ITPR1: variants seen among roughly 807,000 people sequenced by gnomAD.
ITPR1 encodes inositol 1,4,5-trisphosphate-gated calcium channel ITPR1.
Under a neutral mutation model 318.4 loss-of-function variants are expected in ITPR1, and 96 were observed. The observed-to-expected ratio is 0.30, with a 90% CI of 0.26 to 0.36. The LOEUF (loss-of-function observed/expected upper bound fraction) is 0.36. Among genes scored for constraint, ITPR1 ranks in the 10% least tolerant of loss-of-function variants. The pLI, the probability that ITPR1 is intolerant of heterozygous loss-of-function variation, is 1.00. For synonymous variants in ITPR1, 1,312 were observed against 1,289.9 expected, an observed-to-expected ratio of 1.02 and a Z score of -0.37; for missense variants, 2,440 against 3,460.2, an observed-to-expected ratio of 0.71 and a Z score of 7.40.
chr3:4,702,646 T>C (rs995994253), intron 35 of ITPR1, among the ~76,000 whole-genome samples, 184 bp from the exon 36 acceptor site: 15 of 152,306 alleles, frequency 9.8e-5, no homozygotes, highest in East Asian at 5.8e-4. Context: ...CTAGGTAACT[T>C]ATGGAATTTA....
chr3:4,580,003 G>A (rs1381883720), intron 4 of ITPR1, among the ~76,000 whole-genome samples: 1 of 152,198 alleles, frequency 6.6e-6, no homozygotes, highest in Non-Finnish European at 1.5e-5. Flanking sequence ...GAAGTCAGGA[G>A]ATCGAGACCA....
chr3:4,548,992 A>C (rs1046409629), intron 4 of ITPR1, among the ~76,000 whole-genome samples: 4 of 152,026 alleles, frequency 2.6e-5, no homozygotes, highest in African/African-American at 9.7e-5. Context: ...ACTTTTCGGG[A>C]GGGGGGGACT....
chr3:4,580,167 G>T (rs192910856), intron 4 of ITPR1, among the ~76,000 whole-genome samples: 141 of 152,144 alleles, frequency 9.3e-4, no homozygotes, highest in African/African-American at 3.1e-3. Context: ...CCGAGATCAT[G>T]CCACTCCACT....
At chr3:4,618,797 T>C (rs2092484312) in intron 4 of ITPR1, among the ~76,000 whole-genome samples, 1 of 152,202 alleles carries the variant, frequency 6.6e-6, no homozygotes, top group African/African-American at 2.4e-5. Context: ...TGTGGGACTT[T>C]CTTTCTCACA....
At chr3:4,669,015 G>A (rs180783494) in intron 18 of ITPR1, among the ~76,000 whole-genome samples, 9 of 152,196 alleles carry the variant, frequency 5.9e-5, no homozygotes, top group African/African-American at 2.2e-4. Context: ...TTTACAATGT[G>A]GGTGTCACAA....
chr3:4,597,905 A>G (rs948976178), intron 4 of ITPR1, among the ~76,000 whole-genome samples: 3 of 152,242 alleles, frequency 2.0e-5, no homozygotes, highest in African/African-American at 7.2e-5. Context: ...TTTTGCAAAC[A>G]TCTGTGGAGA....
intron 4 of ITPR1, among the ~76,000 whole-genome samples, chr3:4,531,531 G>A (rs1360276435): frequency 6.6e-6 from 1 of 152,122 alleles, no homozygotes; most frequent in Non-Finnish European, 1.5e-5. Context: ...CCCCAGTTGT[G>A]CTCAGGATAA....
chr3:4,569,496 C>A (rs2087753519), intron 4 of ITPR1, among the ~76,000 whole-genome samples: 1 of 152,188 alleles, frequency 6.6e-6, no homozygotes, highest in African/African-American at 2.4e-5. Flanking sequence ...CATTGTGTGA[C>A]AAGCTTGTGC....
chr3:4,682,137 AG>A (rs1418916466), intron 26 of ITPR1, among the ~76,000 whole-genome samples: 2 of 152,246 alleles, frequency 1.3e-5, no homozygotes, highest in Non-Finnish European at 2.9e-5. Flanking sequence ...GGCTTGATTA[AG>A]CTGGATGGTT....
rs777752541 is a variant in ITPR1, at chr3:4,782,693, G to A, written c.6462G>A (p.Ala2154=). The A allele has an allele frequency of 1.8e-5, 28 of 1,597,856 alleles. No homozygotes were observed. The South Asian group carries it at 1.8e-4, about 10-fold the overall frequency. Residue 2154 remains alanine, a synonymous_variant, in exon 50 of 62, where the codon GCG becomes GCA. Coordinates refer to ENST00000649015, the MANE Select transcript of ITPR1 (RefSeq NM_001378452.1). ...FEDGENGEDG[A]ASPRNVGHNI... ...ATGGAGAAAACGGTGAGGATGGGGC[G>A]GCGTCCCCCAGGAACGTGGGGCACA...
chr3:4,550,452 T>C (rs2124997329), intron 4 of ITPR1, among the ~76,000 whole-genome samples: 1 of 152,342 alleles, frequency 6.6e-6, no homozygotes, highest in East Asian at 1.9e-4. Context: ...GCCTGGTCCA[T>C]AATAAATGAT....
Position 4,699,956 on chromosome 3 carries a change from A to T in ITPR1, c.4536+15A>T. 1 of 1,610,130 alleles carries T rather than the reference A, an allele frequency of 6.2e-7. No homozygotes were observed. Among genetic ancestry groups the T allele is most frequent in the Non-Finnish European group, 8.5e-7 (1 of 1,176,786 alleles). ...CGACTTTGCAGGTAAGAAATAACCA[A>T]CGTCAAGCAGAATGTTCACGATACA... On this transcript the variant is annotated intron_variant, in intron 35 of 61. Coordinates refer to ENST00000649015, the MANE Select transcript of ITPR1 (RefSeq NM_001378452.1).
At chr3:4,589,865 C>T (rs1174040099) in intron 4 of ITPR1, among the ~76,000 whole-genome samples, 1 of 152,176 alleles carries the variant, frequency 6.6e-6, no homozygotes, top group African/African-American at 2.4e-5. Flanking sequence ...GGATTGAGAA[C>T]AGCTGTATGA....
intron 44 of ITPR1, among the ~76,000 whole-genome samples, chr3:4,738,441 A>G (rs1368346251): frequency 2.0e-5 from 3 of 152,202 alleles, no homozygotes; most frequent in Admixed American, 1.3e-4. Context: ...GATACTTGGT[A>G]AATGTTGGCT....
At chr3:4,738,143 A>G (rs1019175339) in intron 44 of ITPR1, among the ~76,000 whole-genome samples, 1 of 151,852 alleles carries the variant, frequency 6.6e-6, no homozygotes, top group African/African-American at 2.4e-5. Flanking sequence ...GAAGCAATCT[A>G]TGTGATAAAC....
chr3:4,739,832 G>A (rs999677937), intron 44 of ITPR1, among the ~76,000 whole-genome samples: 4 of 152,146 alleles, frequency 2.6e-5, no homozygotes, highest in Non-Finnish European at 5.9e-5. Context: ...AACAGCTTAC[G>A]TGGTCACTCA....
intron 4 of ITPR1, among the ~76,000 whole-genome samples, chr3:4,545,716 A>G (rs1480176420): frequency 4.3e-5 from 6 of 139,680 alleles, no homozygotes; most frequent in Non-Finnish European, 9.2e-5. Context: ...TTTTTTTTTA[A>G]AGACAGAGTC....
chr3:4,706,156 C>G lies in ITPR1; in HGVS notation c.4658-11C>G. On this transcript the variant is annotated splice_polypyrimidine_tract_variant and intron_variant, in intron 36 of 61. Coordinates refer to ENST00000649015, the MANE Select transcript of ITPR1 (RefSeq NM_001378452.1). ...AGTTGTAGGCTCACGACTCATCTTT[C>G]TCCTGTGCAGCCAAGAGCCGGGCCA... is the stretch of plus-strand genomic sequence containing the variant. 1 of 1,613,970 alleles carries G rather than the reference C, an allele frequency of 6.2e-7. No homozygotes were observed.
chr3:4,669,422 A>G (rs2094023457), intron 18 of ITPR1, among the ~76,000 whole-genome samples: 1 of 151,958 alleles, frequency 6.6e-6, no homozygotes, highest in Non-Finnish European at 1.5e-5. Flanking sequence ...TCTTTGCCTC[A>G]TCACCTCTTC....
Sources: allele counts gnomAD v4.1 joint callset (sites outside exome capture counted in the v4.1 genomes callset), GRCh38; gene constraint gnomAD v4.1.1; transcripts MANE v1.5; gene names NCBI Gene and HGNC (gene_info 2026-07-23, HGNC 2026-07-21).